The following EFCAB5 variants were observed in gnomAD, a reference collection of about 807,000 sequenced individuals.
EFCAB5 encodes the protein EF-hand calcium binding domain 5, also known as EF-hand calcium-binding domain-containing protein 5.
In EFCAB5, 131 loss-of-function variants were observed where a neutral mutation model predicts 167.9. The observed-to-expected ratio is 0.78, with a 90% CI of 0.68 to 0.90. The LOEUF (loss-of-function observed/expected upper bound fraction) is 0.90. Ranked by LOEUF, EFCAB5 falls within the 40% of genes least tolerant of loss-of-function variation. The probability of loss-of-function intolerance (pLI) is 0.00; values close to 1 mark genes in which losing one functional copy is unlikely to be tolerated. For missense variants in EFCAB5, 1,663 were observed against 1,745.2 expected (o/e 0.95, Z 0.84); for synonymous variants, 574 against 602.8 (o/e 0.95, Z 0.70).
intron 10 of EFCAB5, among the ~76,000 whole-genome samples, chr17:30,055,015 C>G (rs2070212378): frequency 6.6e-6 from 1 of 152,102 alleles, no homozygotes; most frequent in Non-Finnish European, 1.5e-5. Context: ...TGAAAATTCT[C>G]AGCTGGGCAT....
At chr17:29,977,694 G>A (rs930489365) in intron 4 of EFCAB5, among the ~76,000 whole-genome samples, 8 of 152,128 alleles carry the variant, frequency 5.3e-5, no homozygotes, top group Non-Finnish European at 1.2e-4. Context: ...TAAAGAGAGA[G>A]AAACACAAAG....
Position 29,993,337 on chromosome 17 carries a change from G to A in EFCAB5, c.924+16G>A, listed in dbSNP as rs772703142. On this transcript the variant is annotated intron_variant, in intron 5 of 22. Transcript: ENST00000394835. ...TAAGTCAGTGGTAAGAAAATTGGGG[G>A]TATATGTGAAAGGTAGGTGGGGTAA... 2.5e-6 allele frequency: 4 copies of A among 1,604,752 alleles called. No homozygotes were observed. The highest frequency in any genetic ancestry group is 1.3e-5 in the African/African-American group (1 of 74,644).
chr17:30,037,627 C>G (rs2151746507), intron 8 of EFCAB5, among the ~76,000 whole-genome samples: 1 of 152,276 alleles, frequency 6.6e-6, no homozygotes, highest in Middle Eastern at 3.4e-3. Context: ...AAAAACATTT[C>G]TCAAACATTC....
At chr17:30,035,948 G>A (rs1246016032) in intron 8 of EFCAB5, among the ~76,000 whole-genome samples, 2 of 150,732 alleles carry the variant, frequency 1.3e-5, no homozygotes, top group Non-Finnish European at 3.0e-5. Flanking sequence ...TTTCTGAATG[G>A]AATATATATC....
At position 30,026,178 on chromosome 17, in the gene EFCAB5, AAAATAAAT is replaced by A. The variant is rs541839214; in HGVS notation, c.1045-8033_1045-8026del. On this transcript the variant is annotated intron_variant, in intron 7 of 22. Coordinates refer to ENST00000394835, the MANE Select transcript of EFCAB5 (RefSeq NM_198529.4). The stretch of plus-strand genomic sequence containing the variant: ...AAAACTTAAAGTATAATAATAATAA[AAAATAAAT>A]AAATAAATAAATAAATAATCAGAAC... Among the ~76,000 whole-genome samples the A allele has an allele frequency of 3.0e-3, 459 of 151,922 alleles. 3 individuals carry two copies. Among genetic ancestry groups the A allele is most frequent in the African/African-American group, 7.2e-3 (297 of 41,458 alleles).
At chr17:29,994,230 T>C (rs2068497890) in intron 5 of EFCAB5, among the ~76,000 whole-genome samples, 1 of 147,288 alleles carries the variant, frequency 6.8e-6, no homozygotes. Flanking sequence ...CTCTTTGTAC[T>C]TTCCGCTCAA....
At chr17:30,091,808 A>C (rs2071202527) in intron 20 of EFCAB5, 63 bp from the exon 21 acceptor site, 2 of 1,523,658 alleles carry the variant, frequency 1.3e-6, no homozygotes. Context: ...CCTATGAAAA[A>C]GTAATGTACA....
chr17:30,027,461 C>G (rs2069361475), intron 7 of EFCAB5, among the ~76,000 whole-genome samples: 1 of 151,944 alleles, frequency 6.6e-6, no homozygotes, highest in South Asian at 2.1e-4. Flanking sequence ...GGAATGATGA[C>G]AGAAAGATGC....
At chr17:30,048,955 C>T (rs533965871) in intron 8 of EFCAB5, among the ~76,000 whole-genome samples, 59 of 152,218 alleles carry the variant, frequency 3.9e-4, no homozygotes, top group South Asian at 1.5e-3. Context: ...AATTTGATTT[C>T]ACCTGTCAAG....
Position 30,053,566 on chromosome 17 carries a change from C to G in EFCAB5, c.1612C>G (p.Leu538Val), listed in dbSNP as rs1442815981. 1 of 1,613,882 alleles carries G rather than the reference C, an allele frequency of 6.2e-7. No homozygotes were observed. Among genetic ancestry groups the G allele is most frequent in the South Asian group, 1.1e-5 (1 of 91,080 alleles). ...CAAAAAGCCAACTGCAGAGCAAGAA[C>G]TGTACATAGAATCAGTAATAGAACC... ...QGKKPTAEQE[L>V]YIESVIEPGT... Residue 538 changes from leucine (L) to valine (V), a missense_variant, in exon 10 of 23, where the codon CTG becomes GTG. Coordinates refer to ENST00000394835, the MANE Select transcript of EFCAB5 (RefSeq NM_198529.4).
chr17:30,099,657 G>A (rs1304941722), intron 22 of EFCAB5, among the ~76,000 whole-genome samples: 1 of 152,174 alleles, frequency 6.6e-6, no homozygotes, highest in Non-Finnish European at 1.5e-5. Context: ...AGTGCTGGAT[G>A]ACTTCCTCCA....
chr17:30,028,958 T>C (rs2069404801), intron 7 of EFCAB5, among the ~76,000 whole-genome samples: 1 of 152,170 alleles, frequency 6.6e-6, no homozygotes, highest in African/African-American at 2.4e-5. Context: ...TATCTCCAAA[T>C]ACAGTTATAT....
chr17:30,015,795 G>A (rs1485184237), intron 7 of EFCAB5, among the ~76,000 whole-genome samples: 3 of 139,634 alleles, frequency 2.1e-5, no homozygotes, highest in Non-Finnish European at 3.0e-5. Context: ...GTGGAGTCTC[G>A]CTCTGTTGCC....
At chr17:30,017,960 A>T (rs1238092290) in intron 7 of EFCAB5, among the ~76,000 whole-genome samples, 1 of 152,078 alleles carries the variant, frequency 6.6e-6, no homozygotes, top group Non-Finnish European at 1.5e-5. Context: ...ATTTATTTTG[A>T]TTCATCTCTT....
chr17:30,107,572 C>A (rs191183736), intron 22 of EFCAB5, among the ~76,000 whole-genome samples: 1 of 152,264 alleles, frequency 6.6e-6, no homozygotes, highest in Non-Finnish European at 1.5e-5. Flanking sequence ...TATTCTATAA[C>A]TTACTTTTTG....
chr17:30,060,810 AC>A (rs2070405507), intron 14 of EFCAB5, among the ~76,000 whole-genome samples: 1 of 152,234 alleles, frequency 6.6e-6, no homozygotes, highest in African/African-American at 2.4e-5. Context: ...ATTTCGTAAC[AC>A]AAAACCACAT....
In EFCAB5 at chr17:29,943,586, G is replaced by T; in HGVS notation, c.127G>T (p.Val43Phe). The T allele has an allele frequency of 4.4e-6, 7 of 1,583,888 alleles. No homozygotes were observed. Among genetic ancestry groups the T allele is most frequent in the Non-Finnish European group, 6.0e-6 (7 of 1,164,542 alleles). The change falls in exon 3 of 23, where the codon GTT (valine) becomes TTT (phenylalanine). Residue 43 changes from valine to phenylalanine, a missense_variant. By Grantham distance (50) the Val-to-Phe change is conservative. Transcript: ENST00000394835. The stretch of plus-strand genomic sequence containing the variant: ...AAAGACCTTACAGAGTGTGCCAGAC[G>T]TTCCTGTAAAAGAGGACACCAACAG... ...LHETLQSVPD[V>F]PVKEDTNSVV...
intron 7 of EFCAB5, among the ~76,000 whole-genome samples, chr17:30,029,561 CT>C (rs35394158): frequency 0.013 from 1,765 of 140,370 alleles, 5 homozygotes; most frequent in Admixed American, 0.019. Context: ...TAGCACTAAT[CT>C]TTTTTTTTTT....
intron 3 of EFCAB5, among the ~76,000 whole-genome samples, chr17:29,952,878 T>C (rs1192810511): frequency 6.6e-6 from 1 of 152,128 alleles, no homozygotes; most frequent in African/African-American, 2.4e-5. Flanking sequence ...TCTTTAATAT[T>C]TTGTAATAAG....
Sources: allele counts gnomAD v4.1 joint callset (sites outside exome capture counted in the v4.1 genomes callset), GRCh38; gene constraint gnomAD v4.1.1; transcripts MANE v1.5; gene names NCBI Gene and HGNC (gene_info 2026-07-23, HGNC 2026-07-21).